Variants in TCF7 observed in about 807,000 individuals in gnomAD.
TCF7 encodes the protein T-cell-factor-7.
Under a neutral mutation model 46.8 loss-of-function variants are expected in TCF7, and 19 were observed. The observed-to-expected ratio is 0.41, with a 90% CI of 0.28 to 0.60. The LOEUF is 0.60. Among genes scored for constraint, TCF7 ranks in the 20% least tolerant of loss-of-function variants. The probability of loss-of-function intolerance (pLI) is 0.35; values close to 1 mark genes in which losing one functional copy is unlikely to be tolerated. For synonymous variants in TCF7, 245 were observed against 213.4 expected (o/e 1.15, Z -1.29); for missense variants, 547 against 504.6 (o/e 1.08, Z -0.81).
intron 4 of TCF7, chr5:134,138,582 C>T: frequency 3.6e-6 from 1 of 279,582 alleles, no homozygotes; most frequent in South Asian, 8.2e-5. Flanking sequence ...CCCTGGGGGG[C>T]AGGTGGAGCC....
At position 134,146,026 on chromosome 5, in the gene TCF7, G is replaced by T. The variant is rs1398009420; in HGVS notation, c.1076-198G>T. 7.7e-5 allele frequency: 117 copies of T among 1,515,490 alleles called. 2 individuals carry two copies. The highest frequency in any genetic ancestry group is 1.8e-6 in the Non-Finnish European group (2 of 1,142,476). The allele number at this position is 1,515,490 out of a possible 1,614,324, so 93.9% of individuals were successfully genotyped here. On this transcript the variant is annotated intron_variant, in intron 9 of 9. Coordinates refer to ENST00000342854, the MANE Select transcript of TCF7 (RefSeq NM_003202.5). ...AAGGCCCCTTTGCCACCTTGTGGCT[G>T]TTCTGGGAACTGCACCTGTCCTAGG...
Position 134,115,866 on chromosome 5 carries a change from G to T in TCF7, c.317-43G>T, listed in dbSNP as rs56319840. ...GAGCAGACAGCCTTCAGTCCCAGCC[G>T]CTGCCAGGGCTGGTGTGTCTGACCC... On this transcript the variant is annotated intron_variant, in intron 2 of 9. Coordinates refer to ENST00000342854, the MANE Select transcript of TCF7 (RefSeq NM_003202.5). 103,337 of 1,612,340 alleles carry T rather than the reference G, an allele frequency of 0.064. 4,468 individuals carry two copies. The highest frequency in any genetic ancestry group is 0.18 in the Admixed American group (10,926 of 59,750).
At chr5:134,120,173 GCTTCCCT>G in intron 3 of TCF7, among the ~76,000 whole-genome samples, 1 of 152,152 alleles carries the variant, frequency 6.6e-6, no homozygotes, top group South Asian at 2.1e-4. Context: ...CAGGCCCCAG[GCTTCCCT>G]CTGAACACAT....
rs143958428 is a variant in TCF7 at position 134,142,998 on chromosome 5, C to A, written c.924C>A (p.His308Gln). The change falls in exon 8 of 10, where the codon CAC becomes CAA. Residue 308 changes from histidine to glutamine, a missense_variant. Around this residue, in one of 3 missense-constraint regions of TCF7, gnomAD observed 32 missense variants for 65.9 expected, o/e 0.49. Transcript: ENST00000342854. ...GCCCCTCTTCCCTGTTGCAGTGGCA[C>A]GCGCTGTCGCGAGAAGAGCAGGCCA... is the stretch of plus-strand genomic sequence containing the variant. ...AINQILGRRW[H>Q]ALSREEQAKY... 6.2e-7 allele frequency: 1 copy of A among 1,613,088 alleles called. No homozygotes were observed. The highest frequency in any genetic ancestry group is 8.5e-7 in the Non-Finnish European group (1 of 1,179,498).
chr5:134,143,805 A>G (rs1352002545), intron 9 of TCF7, 165 bp downstream of exon 9: 2 of 715,400 alleles, frequency 2.8e-6, no homozygotes, highest in Admixed American at 2.8e-5. Flanking sequence ...TTCCCATGCA[A>G]GAAACAGCTA....
chr5:134,130,061 G>A (rs961872182), intron 3 of TCF7, among the ~76,000 whole-genome samples: 3 of 152,248 alleles, frequency 2.0e-5, no homozygotes, highest in Non-Finnish European at 4.4e-5. Flanking sequence ...CTTGCGGGCC[G>A]TCCTTTGGAG....
At chr5:134,141,035 G>A in intron 5 of TCF7, 2 of 319,084 alleles carry the variant, frequency 6.3e-6, no homozygotes, top group South Asian at 4.7e-5. Flanking sequence ...CTGCTGTCCT[G>A]TGCCTGAGAA....
In TCF7 at chr5:134,115,304, T is replaced by A. The variant is rs1361976133; in HGVS notation, c.250-17T>A. 3 of 1,522,222 alleles carry A rather than the reference T, an allele frequency of 2.0e-6. No homozygotes were observed. Among genetic ancestry groups the A allele is most frequent in the South Asian group, 1.2e-5 (1 of 83,932 alleles). 94.3% of individuals were successfully genotyped at this position (1,522,222 alleles called of 1,614,324 possible). A position where few individuals can be genotyped will look rare whatever the true frequency, so the allele number is the denominator to read the frequency against. ...GCGGTCCCACCGCCCCTCACTCCCC[T>A]CCGGTTCTCCCTCCAGGCTCTCGGG... On this transcript the variant is annotated splice_polypyrimidine_tract_variant and intron_variant, in intron 1 of 9. Coordinates refer to ENST00000342854, the MANE Select transcript of TCF7 (RefSeq NM_003202.5).
upstream of TCF7, among the ~76,000 whole-genome samples, chr5:134,110,182 C>T (rs1205418218): frequency 2.0e-5 from 3 of 152,216 alleles, no homozygotes; most frequent in African/African-American, 2.4e-5. Context: ...TTGCCCATCA[C>T]CTCTCAAGCC....
rs953482412 is a variant in TCF7, at chr5:134,142,093, C to A, written c.636-92C>A. 4 of 1,567,506 alleles carry A rather than the reference C, an allele frequency of 2.6e-6. No homozygotes were observed. In the African/African-American group the frequency reaches 5.4e-5, roughly 21 times the overall value. On this transcript the variant is annotated intron_variant, in intron 5 of 9. Coordinates refer to ENST00000342854, the MANE Select transcript of TCF7 (RefSeq NM_003202.5). ...GAGTATCTATCTGTTCACCTGTGTC[C>A]TCAAGTTATGTATTATGCAGGGGCC...
At chr5:134,144,786 G>T (rs1760436369) in intron 9 of TCF7, 2 of 1,613,646 alleles carry the variant, frequency 1.2e-6, no homozygotes, top group Non-Finnish European at 1.7e-6. Context: ...CTCTGGCATG[G>T]CTGTGAGCAG....
At chr5:134,108,683 A>ACCAAT in the TCF7 span, among the ~76,000 whole-genome samples, 2 of 152,056 alleles carry the variant, frequency 1.3e-5, no homozygotes, top group East Asian at 3.9e-4. Flanking sequence ...TGTCCTGGGG[A>ACCAAT]GGGAATACTT....
intron 3 of TCF7, among the ~76,000 whole-genome samples, chr5:134,136,639 G>T (rs999904226): frequency 6.6e-6 from 1 of 152,136 alleles, no homozygotes; most frequent in African/African-American, 2.4e-5. Context: ...GCTTGCCCTG[G>T]GCTTCCAATA....
chr5:134,143,225 G>C, intron 8 of TCF7, 125 bp downstream of exon 8: 1 of 1,057,066 alleles, frequency 9.5e-7, no homozygotes, highest in East Asian at 2.5e-5. Context: ...GAAGGGCACG[G>C]AGGGTCCAAG....
At chr5:134,145,356 G>C in intron 9 of TCF7, 1 of 545,578 alleles carries the variant, frequency 1.8e-6, no homozygotes, top group Admixed American at 1.9e-5. Flanking sequence ...CTTATGACTT[G>C]CTATCTTGTA....
At position 134,114,929 on chromosome 5, in the gene TCF7, G is replaced by GGGGCGGCGC. The variant is rs550776504; in HGVS notation, c.32_40dup (p.Ala11_Gly13dup). The GGGGCGGCGC allele has an allele frequency of 6.5e-6, 7 of 1,080,364 alleles. No homozygotes were observed. Among genetic ancestry groups the GGGGCGGCGC allele is most frequent in the African/African-American group, 3.4e-5 (2 of 58,782 alleles). 66.9% of individuals were successfully genotyped at this position (1,080,364 alleles called of 1,614,324 possible). On this transcript the variant is annotated inframe_insertion, in exon 1 of 10. Coordinates refer to ENST00000342854, the MANE Select transcript of TCF7 (RefSeq NM_003202.5). ...ACCATGCCGCAGCTGGACTCCGGCG[G>GGGGCGGCGC]GGGCGGCGCGGGCGGCGGCGACGAC... is the stretch of plus-strand genomic sequence containing the variant.
chr5:134,114,543 G>T (rs1487386007), upstream of TCF7, among the ~76,000 whole-genome samples: 1 of 151,990 alleles, frequency 6.6e-6, no homozygotes, highest in African/African-American at 2.4e-5. Context: ...TCTCTCTCAG[G>T]GTGCGCTCCG....
At chr5:134,131,094 T>C (rs1758056961) in intron 3 of TCF7, among the ~76,000 whole-genome samples, 1 of 151,850 alleles carries the variant, frequency 6.6e-6, no homozygotes, top group African/African-American at 2.4e-5. Context: ...CCAAGCCAAG[T>C]GGTGGAAGAG....
chr5:134,144,026 C>G, intron 9 of TCF7: 1 of 204,322 alleles, frequency 4.9e-6, no homozygotes, highest in East Asian at 1.2e-4. Flanking sequence ...AGCTAGGCCC[C>G]ATGACTAGGC....
Sources: gnomAD v4.1 joint callset for allele counts (sites outside exome capture counted in the v4.1 genomes callset) on GRCh38, gnomAD v4.1.1 for gene constraint, gnomAD v4.1.1 regional missense constraint, MANE v1.5 for transcripts, NCBI Gene and HGNC (gene_info 2026-07-23, HGNC 2026-07-21) for gene names.